NRG3: variants seen among roughly 807,000 people sequenced by gnomAD.
The protein encoded by NRG3 is neuregulin 3.
NRG3 carries 31 observed loss-of-function variants against 66.9 expected under a neutral mutation model. The ratio of observed to expected loss-of-function variants is 0.46; its 90% CI spans 0.35 to 0.63. The LOEUF (loss-of-function observed/expected upper bound fraction) is 0.63, where lower values mean the gene tolerates loss of function less well. Among genes scored for constraint, NRG3 ranks in the 20% least tolerant of loss-of-function variants. The pLI, the probability that NRG3 is intolerant of heterozygous loss-of-function variation, is 0.00. For synonymous variants in NRG3, 393 were observed against 359.4 expected, an observed-to-expected ratio of 1.09 and a Z score of -1.06; for missense variants, 910 against 878.9, an observed-to-expected ratio of 1.04 and a Z score of -0.45.
At chr10:82,621,435 A>T (rs963736695) in intron 2 of NRG3, among the ~76,000 whole-genome samples, 1 of 152,210 alleles carries the variant, frequency 6.6e-6, no homozygotes, top group African/African-American at 2.4e-5. Flanking sequence ...TTAAACTGAG[A>T]ATAATAACTA....
chr10:82,929,380 C>A (rs1227787730), intron 4 of NRG3, among the ~76,000 whole-genome samples: 1 of 152,126 alleles, frequency 6.6e-6, no homozygotes, highest in Non-Finnish European at 1.5e-5. Flanking sequence ...TACCGTTTTA[C>A]CTTTCAGAAA....
chr10:82,572,757 A>T (rs1018776098), intron 2 of NRG3, among the ~76,000 whole-genome samples: 1 of 151,824 alleles, frequency 6.6e-6, no homozygotes, highest in East Asian at 1.9e-4. Flanking sequence ...GTCTCAGCTG[A>T]AACCAGTACT....
intron 2 of NRG3, among the ~76,000 whole-genome samples, chr10:82,555,316 A>G (rs1324234490): frequency 6.6e-6 from 1 of 152,152 alleles, no homozygotes; most frequent in Non-Finnish European, 1.5e-5. Context: ...GTTTCTCTAT[A>G]TCCACATCCA....
chr10:81,991,890 A>G (rs376603747), intron 1 of NRG3, among the ~76,000 whole-genome samples: 2 of 152,238 alleles, frequency 1.3e-5, no homozygotes, highest in East Asian at 3.9e-4. Context: ...AAGAACCAAT[A>G]ATTTCCATAA....
chr10:82,914,769 A>C (rs1845676473), intron 4 of NRG3, among the ~76,000 whole-genome samples: 2 of 143,182 alleles, frequency 1.4e-5, no homozygotes. Flanking sequence ...TTTTCCCCAC[A>C]CCCCTCCCCT....
rs529220912 is a variant in NRG3, at chr10:81,965,416, A to G, written c.823+89253A>G. ...CTTTTGTAGATTTAATAGAGTTTAT[A>G]TTTTTTCTTTTGTAGATTTAATATA... On this transcript the variant is annotated intron_variant, in intron 1 of 8. Coordinates refer to ENST00000372141, the MANE Select transcript of NRG3 (RefSeq NM_001010848.4). Among the ~76,000 whole-genome samples the G allele has an allele frequency of 1.7e-4, 26 of 152,184 alleles. No homozygotes were observed. The East Asian group carries it at 4.6e-3, about 27-fold the overall frequency.
chr10:82,167,328 T>G (rs779791618), intron 1 of NRG3, among the ~76,000 whole-genome samples: 4 of 152,108 alleles, frequency 2.6e-5, no homozygotes, highest in Non-Finnish European at 5.9e-5. Flanking sequence ...TTTTTATGAT[T>G]CGTAGGCTGG....
chr10:82,796,329 G>A (rs937143048), intron 3 of NRG3, among the ~76,000 whole-genome samples: 1 of 152,146 alleles, frequency 6.6e-6, no homozygotes, highest in Non-Finnish European at 1.5e-5. Context: ...ACCCCAGATT[G>A]TCAATCAGCT....
chr10:82,604,503 G>T (rs867131530), intron 2 of NRG3, among the ~76,000 whole-genome samples: 13 of 152,176 alleles, frequency 8.5e-5, no homozygotes, highest in Middle Eastern at 3.4e-3. Flanking sequence ...ACACATTTGT[G>T]TACAGGTTTT....
In NRG3 at chr10:82,566,119, TTAA is replaced by T. The variant is rs566667842; in HGVS notation, c.954-172454_954-172452del. On this transcript the variant is annotated intron_variant, in intron 2 of 8. Transcript: ENST00000372141. ...AGCTCCTTTTCCCAGTACGTGGCAC[TTAA>T]TAAGCCCTCCGTGAATGTTAACTAT... is the stretch of plus-strand genomic sequence containing the variant. Among the ~76,000 whole-genome samples the T allele has an allele frequency of 8.3e-4, 127 of 152,198 alleles. 1 individual carries two copies. The highest frequency in any genetic ancestry group is 2.9e-3 in the African/African-American group (122 of 41,562).
At chr10:82,912,521 C>G (rs946815995) in intron 4 of NRG3, among the ~76,000 whole-genome samples, 8 of 152,096 alleles carry the variant, frequency 5.3e-5, no homozygotes, top group African/African-American at 1.9e-4. Context: ...TCTTACTCCA[C>G]CATTTATGGC....
At chr10:81,881,350 A>G (rs1842164837) in intron 1 of NRG3, among the ~76,000 whole-genome samples, 1 of 152,156 alleles carries the variant, frequency 6.6e-6, no homozygotes, top group African/African-American at 2.4e-5. Context: ...TAGAAAGTTA[A>G]GGAAAAAAAT....
intron 1 of NRG3, among the ~76,000 whole-genome samples, chr10:81,987,399 A>G (rs1049361460): frequency 4.6e-5 from 7 of 152,342 alleles, no homozygotes; most frequent in African/African-American, 1.4e-4. Flanking sequence ...TTTAAGAACA[A>G]ATTATCTGAC....
At chr10:81,989,661 C>T (rs1240185845) in intron 1 of NRG3, among the ~76,000 whole-genome samples, 1 of 152,110 alleles carries the variant, frequency 6.6e-6, no homozygotes, top group African/African-American at 2.4e-5. Context: ...TACTTACTGT[C>T]ATTTTTGGAT....
intron 3 of NRG3, among the ~76,000 whole-genome samples, chr10:82,824,287 C>A (rs1209943587): frequency 2.0e-5 from 3 of 152,174 alleles, no homozygotes; most frequent in African/African-American, 4.8e-5. Flanking sequence ...TGATGGGCAT[C>A]TTTCCTCTTT....
At chr10:82,334,877 T>G (rs2082310943) in intron 1 of NRG3, among the ~76,000 whole-genome samples, 1 of 152,160 alleles carries the variant, frequency 6.6e-6, no homozygotes, top group African/African-American at 2.4e-5. Flanking sequence ...ACCAACAAAT[T>G]TACCAAAACA....
At chr10:82,673,170 G>A (rs2053422359) in intron 2 of NRG3, among the ~76,000 whole-genome samples, 1 of 152,232 alleles carries the variant, frequency 6.6e-6, no homozygotes, top group Non-Finnish European at 1.5e-5. Context: ...CCTGAGATGG[G>A]ATGGCTGGCA....
rs377629968 is a variant in NRG3, at chr10:82,118,685, A to AG, written c.824-240048dup. 5.1e-3 allele frequency among the ~76,000 whole-genome samples: 770 copies of AG among 151,974 alleles called. 6 individuals are homozygous for AG. Among genetic ancestry groups the AG allele is most frequent in the African/African-American group, 0.018 (726 of 41,440 alleles). On this transcript the variant is annotated intron_variant, in intron 1 of 8. Coordinates refer to ENST00000372141, the MANE Select transcript of NRG3 (RefSeq NM_001010848.4). ...TTCTGTCTCTTTTTTGCTTTTTTTG[A>AG]GGGGGGATAATGTGTATTGTTAATG...
intron 1 of NRG3, among the ~76,000 whole-genome samples, chr10:82,226,828 T>C (rs922624662): frequency 6.6e-6 from 1 of 152,222 alleles, no homozygotes; most frequent in Non-Finnish European, 1.5e-5. Flanking sequence ...TCATAGTCTC[T>C]ATACTTCCAG....
Sources: allele counts gnomAD v4.1 joint callset (sites outside exome capture counted in the v4.1 genomes callset), GRCh38; gene constraint gnomAD v4.1.1; transcripts MANE v1.5; gene names NCBI Gene and HGNC (gene_info 2026-07-23, HGNC 2026-07-21).